The following CAMTA1 variants were observed in gnomAD, a reference collection of about 807,000 sequenced individuals.
CAMTA1 encodes the protein calmodulin binding transcription activator 1.
CAMTA1 carries 27 observed loss-of-function variants against 170.9 expected under a neutral mutation model. The ratio of observed to expected loss-of-function variants is 0.16; its 90% CI spans 0.12 to 0.22. The LOEUF is 0.22. Ranked by LOEUF, CAMTA1 falls within the 10% of genes least tolerant of loss-of-function variation. The pLI is 1.00. For synonymous variants in CAMTA1, 833 were observed against 891.5 expected (o/e 0.93, Z 1.17); for missense variants, 1,619 against 2,217.2 (o/e 0.73, Z 5.42).
intron 4 of CAMTA1, among the ~76,000 whole-genome samples, chr1:7,244,093 CA>C (rs1301067060): frequency 1.3e-5 from 2 of 152,196 alleles, no homozygotes; most frequent in Non-Finnish European, 2.9e-5. Context: ...TATGAACAGA[CA>C]CTTCTCAAAA....
chr1:7,245,949 G>C (rs1240654452), intron 4 of CAMTA1, among the ~76,000 whole-genome samples: 1 of 152,180 alleles, frequency 6.6e-6, no homozygotes, highest in East Asian at 1.9e-4. Context: ...GCAGAGGGGA[G>C]TTTCACATAG....
intron 4 of CAMTA1, among the ~76,000 whole-genome samples, chr1:7,148,393 T>C (rs1194217436): frequency 6.6e-6 from 1 of 150,590 alleles, no homozygotes; most frequent in African/African-American, 2.5e-5. Context: ...ATATGCACCA[T>C]GGACATACCC....
intron 5 of CAMTA1, among the ~76,000 whole-genome samples, chr1:7,305,767 T>C (rs1675495314): frequency 6.6e-6 from 1 of 152,094 alleles, no homozygotes; most frequent in Non-Finnish European, 1.5e-5. Flanking sequence ...TTGCGTTAGA[T>C]AGTAAGTGTA....
intron 3 of CAMTA1, among the ~76,000 whole-genome samples, chr1:6,837,275 G>A (rs186530155): frequency 1.3e-5 from 2 of 152,156 alleles, no homozygotes; most frequent in Non-Finnish European, 1.5e-5. Context: ...TTTTAAGATC[G>A]CTGTAGGAAG....
intron 6 of CAMTA1, among the ~76,000 whole-genome samples, chr1:7,637,750 T>C (rs2095724825): frequency 6.6e-6 from 1 of 152,192 alleles, no homozygotes; most frequent in Admixed American, 6.5e-5. Context: ...AACTTCTTAG[T>C]GCTACAGGCA....
chr1:7,719,138 C>G (rs1308055463), intron 11 of CAMTA1, among the ~76,000 whole-genome samples: 1 of 152,148 alleles, frequency 6.6e-6, no homozygotes, highest in Admixed American at 6.5e-5. Context: ...TGCCAATTAG[C>G]TGCAGTTTTA....
In CAMTA1 at chr1:6,971,353, C is replaced by T. The variant is rs140947356; in HGVS notation, c.235-119951C>T. On this transcript the variant is annotated intron_variant, in intron 3 of 22. Coordinates refer to ENST00000303635, the MANE Select transcript of CAMTA1 (RefSeq NM_015215.4). The surrounding 1 kb of genome is among the most constrained non-coding windows in gnomAD (Gnocchi z 4.6). Reference sequence around the variant, plus strand: ...TATAAAAAGGTAATCAAATAGCAGACGATCGGATTGTATCCGTGTCATTCT... The same window carrying T: ...TATAAAAAGGTAATCAAATAGCAGATGATCGGATTGTATCCGTGTCATTCT... Among the ~76,000 whole-genome samples the T allele has an allele frequency of 9.2e-5, 14 of 152,278 alleles. 1 individual carries two copies. The highest frequency in any genetic ancestry group is 2.1e-4 in the South Asian group (1 of 4,828).
Position 7,065,654 on chromosome 1 carries a change from C to CTTG in CAMTA1, c.235-25646_235-25644dup, listed in dbSNP as rs34968760. Among the ~76,000 whole-genome samples, 101,899 of 151,318 alleles carry CTTG rather than the reference C, an allele frequency of 0.67. 35,318 individuals carry two copies. Among genetic ancestry groups the CTTG allele is most frequent in the African/African-American group, 0.85 (34,921 of 41,236 alleles). On this transcript the variant is annotated intron_variant, in intron 3 of 22. Coordinates refer to ENST00000303635, the MANE Select transcript of CAMTA1 (RefSeq NM_015215.4). This position sits in a 1 kb window ranked among gnomAD's most constrained non-coding sequence, Gnocchi z 5.2. Reference sequence around the variant, plus strand: ...GGGAAGAGAGAGGAGACAGCTGCACCTTGTTGGAGTCCATGTCAGCTGATT... The same window carrying CTTG: ...GGGAAGAGAGAGGAGACAGCTGCACCTTGTTGTTGGAGTCCATGTCAGCTGATT...
intron 20 of CAMTA1, 114 bp downstream of exon 20, chr1:7,751,506 C>CCTAA: frequency 1.2e-6 from 1 of 828,420 alleles, no homozygotes; most frequent in Non-Finnish European, 1.8e-6. Context: ...AAAGCATTGG[C>CCTAA]AGTCACTGTG....
At chr1:6,818,776 A>T (rs1403431835) in intron 1 of CAMTA1, among the ~76,000 whole-genome samples, 1 of 151,976 alleles carries the variant, frequency 6.6e-6, no homozygotes, top group Admixed American at 6.6e-5. Flanking sequence ...GGTATCTGGG[A>T]CCATAGGTGT....
At chr1:7,548,081 A>G (rs1224876495) in intron 6 of CAMTA1, among the ~76,000 whole-genome samples, 7 of 152,358 alleles carry the variant, frequency 4.6e-5, no homozygotes, top group African/African-American at 1.7e-4. Flanking sequence ...TCAGGTGACC[A>G]TATCGTTTTG....
intron 4 of CAMTA1, among the ~76,000 whole-genome samples, chr1:7,117,344 C>T (rs964412002): frequency 2.0e-5 from 3 of 152,118 alleles, no homozygotes; most frequent in African/African-American, 7.2e-5. Context: ...GTACAGCCAG[C>T]ACAGCACGTT....
At chr1:7,552,812 C>T (rs911453857) in intron 6 of CAMTA1, among the ~76,000 whole-genome samples, 4 of 152,222 alleles carry the variant, frequency 2.6e-5, no homozygotes, top group South Asian at 2.1e-4. Flanking sequence ...CCCGGGATGG[C>T]GTGCTCAGAG....
rs1023211750 is a variant in CAMTA1 at position 7,092,713 on chromosome 1, C to G, written c.302+1342C>G. ...GACCTGCAAGCTTAGTGACTTTAAA[C>G]AACAAATCTTTATTTTCTGCTCATG... On this transcript the variant is annotated intron_variant, in intron 4 of 22. Transcript: ENST00000303635. The surrounding 1 kb of genome is among the most constrained non-coding windows in gnomAD (Gnocchi z 5.0). Among the ~76,000 whole-genome samples the G allele has an allele frequency of 9.8e-5, 15 of 152,328 alleles. No individual in the cohort carries two copies. Among genetic ancestry groups the G allele is most frequent in the African/African-American group, 3.6e-4 (15 of 41,564 alleles).
chr1:7,350,635 G>T (rs1484685415), intron 5 of CAMTA1, among the ~76,000 whole-genome samples: 1 of 152,064 alleles, frequency 6.6e-6, no homozygotes, highest in East Asian at 1.9e-4. Context: ...TTTTCACTGA[G>T]TCACAATCTG....
At chr1:7,661,527 A>G (rs1180304328) in intron 7 of CAMTA1, among the ~76,000 whole-genome samples, 199 bp from the exon 8 acceptor site, 2 of 152,132 alleles carry the variant, frequency 1.3e-5, no homozygotes, top group Non-Finnish European at 2.9e-5. Flanking sequence ...AGAACCCCCG[A>G]TGGGAGCAGG....
intron 4 of CAMTA1, among the ~76,000 whole-genome samples, chr1:7,176,242 T>G (rs1416599638): frequency 6.6e-6 from 1 of 152,226 alleles, no homozygotes; most frequent in Non-Finnish European, 1.5e-5. Flanking sequence ...GATGCACTTG[T>G]CACTGCAGCT....
chr1:6,913,203 T>C (rs1680082915), intron 3 of CAMTA1, among the ~76,000 whole-genome samples: 1 of 152,214 alleles, frequency 6.6e-6, no homozygotes, highest in Non-Finnish European at 1.5e-5. Flanking sequence ...TTTAGGTCCA[T>C]GCCCTGTCTT....
At chr1:6,790,373 A>AGTGTGT (rs745323931) in intron 1 of CAMTA1, among the ~76,000 whole-genome samples, 5 of 139,948 alleles carry the variant, frequency 3.6e-5, no homozygotes, top group Middle Eastern at 3.9e-3. Flanking sequence ...AGAGAGAGAG[A>AGTGTGT]GAGTGTGTGT....
Sources: allele counts gnomAD v4.1 joint callset (sites outside exome capture counted in the v4.1 genomes callset), GRCh38; gene constraint gnomAD v4.1.1; non-coding constraint Gnocchi (gnomAD v3.1); transcripts MANE v1.5; gene names NCBI Gene and HGNC (gene_info 2026-07-23, HGNC 2026-07-21).